Variants in RGSL1 observed in about 807,000 individuals in gnomAD.
The protein encoded by RGSL1 is regulator of G protein signaling protein-like.
RGSL1 carries 97 observed loss-of-function variants against 124.7 expected under a neutral mutation model. The ratio of observed to expected loss-of-function variants is 0.78; its 90% CI spans 0.66 to 0.92. The LOEUF (loss-of-function observed/expected upper bound fraction) is 0.92. Among genes scored for constraint, RGSL1 ranks in the 40% least tolerant of loss-of-function variants. The probability of loss-of-function intolerance (pLI) is 0.00; values close to 1 mark genes in which losing one functional copy is unlikely to be tolerated. For missense variants in RGSL1, 1,233 were observed against 1,288.4 expected, an observed-to-expected ratio of 0.96 and a Z score of 0.66; for synonymous variants, 424 against 438.1, an observed-to-expected ratio of 0.97 and a Z score of 0.40.
chr1:182,468,950 G>T (rs1043652442), intron 4 of RGSL1, among the ~76,000 whole-genome samples: 1 of 151,882 alleles, frequency 6.6e-6, no homozygotes, highest in African/African-American at 2.4e-5. Flanking sequence ...AACAGTCCTG[G>T]GTAAACTGGA....
At position 182,472,341 on chromosome 1, in the gene RGSL1, C is replaced by A. The variant is rs1341412577; in HGVS notation, c.302-55C>A. 4.1e-6 allele frequency: 6 copies of A among 1,475,620 alleles called. No individual in the cohort carries two copies. The South Asian group carries it at 8.5e-5, about 21-fold the overall frequency. 91.4% of individuals were successfully genotyped at this position (1,475,620 alleles called of 1,614,324 possible). The stretch of plus-strand genomic sequence containing the variant: ...GTCAGTTGATTCACCCAGATGCAAC[C>A]ACCAAAGGGGCAAAACTAGGGTATA... On this transcript the variant is annotated intron_variant, in intron 4 of 21. Transcript: ENST00000294854.
At chr1:182,449,677 G>A (rs528514989), upstream of RGSL1, among the ~76,000 whole-genome samples, 13 of 152,316 alleles carry the variant, frequency 8.5e-5, no homozygotes, top group Middle Eastern at 3.4e-3. Flanking sequence ...TGTTGCCCAA[G>A]CTGAAGTTCA....
chr1:182,496,596 C>A (rs185032505), intron 9 of RGSL1, among the ~76,000 whole-genome samples: 4 of 152,314 alleles, frequency 2.6e-5, no homozygotes, highest in South Asian at 2.1e-4. Flanking sequence ...ACTACTGATA[C>A]TCCTAAAACC....
intron 14 of RGSL1, among the ~76,000 whole-genome samples, chr1:182,537,467 A>G (rs548272911): frequency 3.3e-4 from 50 of 152,336 alleles, no homozygotes; most frequent in African/African-American, 9.9e-4. Flanking sequence ...CCCATAGTAT[A>G]AGAACCTTAA....
chr1:182,521,122 T>C (rs1455942297), intron 9 of RGSL1, among the ~76,000 whole-genome samples: 1 of 152,172 alleles, frequency 6.6e-6, no homozygotes, highest in African/African-American at 2.4e-5. Flanking sequence ...CAGGCTGGAG[T>C]GCAGTGGTGT....
rs1164631947 is a variant in RGSL1, at chr1:182,560,386, G to A, written c.*273G>A. 3 of 152,176 alleles carry A rather than the reference G, an allele frequency of 2.0e-5. No individual in the cohort carries two copies. The highest frequency in any genetic ancestry group is 2.9e-5 in the Non-Finnish European group (2 of 68,042). The allele number at this position is 152,176 out of a possible 1,614,324, so 9.4% of individuals were successfully genotyped here. A position where few individuals can be genotyped will look rare whatever the true frequency, so the allele number is the denominator to read the frequency against. The stretch of plus-strand genomic sequence containing the variant: ...CTGTCATCTATATAGAAGCCTTTCT[G>A]ATACATGTCAGAGAGTGACATGAAG... On this transcript the variant is annotated 3_prime_UTR_variant, in exon 22 of 22. Coordinates refer to ENST00000294854, the MANE Select transcript of RGSL1 (RefSeq NM_001137669.2).
intron 17 of RGSL1, 160 bp from the exon 18 acceptor site, chr1:182,550,940 C>G (rs1437639760): frequency 3.3e-6 from 2 of 611,138 alleles, no homozygotes; most frequent in Non-Finnish European, 5.8e-6. Flanking sequence ...AGAACAAAGG[C>G]CACTGGCAGG....
rs1351701692 is a variant in RGSL1 at position 182,551,087 on chromosome 1, A to G, written c.2934-13A>G. 6.5e-7 allele frequency: 1 copy of G among 1,543,322 alleles called. No homozygotes were observed. The highest frequency in any genetic ancestry group is 8.8e-7 in the Non-Finnish European group (1 of 1,139,436). ...GGGTTCCCTCCTATGACCAGAAGCC[A>G]TTCTTCCCACAGGTTTTGTTTCTGG... On this transcript the variant is annotated splice_polypyrimidine_tract_variant and intron_variant, in intron 17 of 21. Coordinates refer to ENST00000294854, the MANE Select transcript of RGSL1 (RefSeq NM_001137669.2).
At chr1:182,483,807 A>G (rs1654889531) in intron 6 of RGSL1, among the ~76,000 whole-genome samples, 1 of 152,090 alleles carries the variant, frequency 6.6e-6, no homozygotes, top group Admixed American at 6.5e-5. Flanking sequence ...GAGCCAGGAT[A>G]TGTGACTCTG....
intron 9 of RGSL1, among the ~76,000 whole-genome samples, chr1:182,506,654 C>T (rs535757366): frequency 1.3e-5 from 2 of 152,214 alleles, no homozygotes; most frequent in South Asian, 2.1e-4. Context: ...CCATTTAAAT[C>T]CAATCTGACA....
chr1:182,482,335 C>T (rs1654769355), intron 6 of RGSL1, among the ~76,000 whole-genome samples: 1 of 152,060 alleles, frequency 6.6e-6, no homozygotes, highest in African/African-American at 2.4e-5. Context: ...AGCTAAGGAT[C>T]CTCATTCTTG....
At chr1:182,530,184 C>A in intron 11 of RGSL1, 60 bp from the exon 12 acceptor site, 3 of 1,303,892 alleles carry the variant, frequency 2.3e-6, no homozygotes, top group Non-Finnish European at 3.2e-6. Context: ...AAAAAACCAC[C>A]AGCTATCTCA....
At chr1:182,487,071 T>C (rs1655149925) in intron 6 of RGSL1, among the ~76,000 whole-genome samples, 1 of 152,200 alleles carries the variant, frequency 6.6e-6, no homozygotes, top group African/African-American at 2.4e-5. Context: ...TTACAGTTTA[T>C]TTATTAATGA....
In RGSL1 at chr1:182,527,598, T is replaced by C. The variant is rs1486108661; in HGVS notation, c.1951T>C (p.Leu651=). The change falls in exon 11 of 22, where the codon TTA becomes CTA. Residue 651 remains leucine, a synonymous_variant. Transcript: ENST00000294854. Reference sequence around the variant, plus strand: ...TTCCAGAAACTTGACAGAAGTCCTCTTAAATACACAGCACTTGGAGTTCTT... The same window carrying C: ...TTCCAGAAACTTGACAGAAGTCCTCCTAAATACACAGCACTTGGAGTTCTT... ...MRPRNLTEVL[L]NTQHLEFFRE... is the part of the protein sequence containing the mutation. 1.3e-6 allele frequency: 2 copies of C among 1,549,202 alleles called. No homozygotes were observed. Among genetic ancestry groups the C allele is most frequent in the African/African-American group, 2.7e-5 (2 of 72,934 alleles).
At chr1:182,494,140 C>T (rs1002467089) in intron 9 of RGSL1, among the ~76,000 whole-genome samples, 2 of 152,188 alleles carry the variant, frequency 1.3e-5, no homozygotes, top group African/African-American at 4.8e-5. Flanking sequence ...GCTGTGGCTG[C>T]TTCACTTGTC....
intron 11 of RGSL1, among the ~76,000 whole-genome samples, chr1:182,528,463 C>T (rs1658921425): frequency 6.6e-6 from 1 of 152,154 alleles, no homozygotes; most frequent in Non-Finnish European, 1.5e-5. Context: ...AAGGCAAGTC[C>T]CTTCCACCTG....
At chr1:182,455,596 A>G (rs1022081424) in intron 2 of RGSL1, among the ~76,000 whole-genome samples, 19 of 152,280 alleles carry the variant, frequency 1.2e-4, no homozygotes, top group African/African-American at 3.6e-4. Context: ...AGAAAGAAAA[A>G]AAAAAAGAAT....
intron 8 of RGSL1, among the ~76,000 whole-genome samples, chr1:182,490,460 C>G (rs957353467): frequency 3.9e-5 from 6 of 152,152 alleles, no homozygotes; most frequent in African/African-American, 1.4e-4. Context: ...ACTCTGTATA[C>G]AAACCAAGAT....
At chr1:182,500,474 G>A (rs538887904) in intron 9 of RGSL1, among the ~76,000 whole-genome samples, 7 of 152,096 alleles carry the variant, frequency 4.6e-5, no homozygotes, top group Non-Finnish European at 7.4e-5. Context: ...TTTCAAGGTC[G>A]TTTTTGCTAT....
Sources: allele counts gnomAD v4.1 joint callset (sites outside exome capture counted in the v4.1 genomes callset), GRCh38; gene constraint gnomAD v4.1.1; transcripts MANE v1.5; gene names NCBI Gene and HGNC (gene_info 2026-07-23, HGNC 2026-07-21).